Variants in EML4 observed in about 807,000 individuals in gnomAD.
EML4 encodes the protein echinoderm microtubule-associated protein-like 4.
A neutral mutation model predicts 129.0 loss-of-function variants in EML4; 72 were observed. The ratio of observed to expected loss-of-function variants is 0.56; its 90% CI spans 0.46 to 0.68. The LOEUF is 0.68. Among genes scored for constraint, EML4 ranks in the 30% least tolerant of loss-of-function variants. The probability of loss-of-function intolerance (pLI) is 0.00; values close to 1 mark genes in which losing one functional copy is unlikely to be tolerated. For synonymous variants in EML4, 532 were observed against 405.0 expected (o/e 1.31, Z -3.77); for missense variants, 1,363 against 1,190.6 (o/e 1.14, Z -2.13).
chr2:42,235,584 A>G (rs892405637), intron 1 of EML4, among the ~76,000 whole-genome samples: 4 of 152,166 alleles, frequency 2.6e-5, no homozygotes, highest in African/African-American at 9.7e-5. Context: ...ATTCTAACCT[A>G]TAAGGGCTGC....
chr2:42,292,602 T>A (rs543995150), intron 11 of EML4, among the ~76,000 whole-genome samples: 2 of 152,304 alleles, frequency 1.3e-5, no homozygotes, highest in South Asian at 4.1e-4. Context: ...GATGGTTAAA[T>A]AGAGGAAGGG....
intron 17 of EML4, among the ~76,000 whole-genome samples, chr2:42,310,424 C>A (rs1273800695): frequency 6.6e-6 from 1 of 152,030 alleles, no homozygotes; most frequent in Non-Finnish European, 1.5e-5. Flanking sequence ...AGCTCACTTG[C>A]AGCCTCTGCC....
chr2:42,228,622 G>C (rs1558520546), intron 1 of EML4, among the ~76,000 whole-genome samples: 1 of 152,144 alleles, frequency 6.6e-6, no homozygotes, highest in African/African-American at 2.4e-5. Context: ...TTTCTCATGA[G>C]TATTTTGCTT....
intron 1 of EML4, 65 bp from the exon 2 acceptor site, chr2:42,245,440 C>T (rs553935638): frequency 7.0e-7 from 1 of 1,429,662 alleles, no homozygotes; most frequent in Non-Finnish European, 9.5e-7. Flanking sequence ...GATGGTTTTT[C>T]TAATCAGAAA....
chr2:42,279,619 G>C lies in EML4; in HGVS notation c.668-1231G>C, dbSNP rs926916976. On this transcript the variant is annotated intron_variant, in intron 6 of 22. Transcript: ENST00000318522. ...ACTACAGGTGCCCGCCATCATGCCT[G>C]GCTAATTTTTTTTATTTTTTATTTT... Among the ~76,000 whole-genome samples the C allele has an allele frequency of 3.3e-5, 5 of 151,860 alleles. No homozygotes were observed. The East Asian group carries it at 9.7e-4, about 29-fold the overall frequency.
intron 1 of EML4, among the ~76,000 whole-genome samples, chr2:42,192,956 G>C (rs76573196): frequency 6.6e-6 from 1 of 152,286 alleles, no homozygotes; most frequent in African/African-American, 2.4e-5. Context: ...TGCAGACTCT[G>C]AGGTAGTATA....
chr2:42,186,626 G>A (rs1349453746), intron 1 of EML4, among the ~76,000 whole-genome samples: 2 of 152,140 alleles, frequency 1.3e-5, no homozygotes, highest in African/African-American at 4.8e-5. Flanking sequence ...ATTTAAAACT[G>A]GGTATACTCT....
At chr2:42,243,223 A>T (rs375049728) in intron 1 of EML4, among the ~76,000 whole-genome samples, 115 of 152,334 alleles carry the variant, frequency 7.5e-4, no homozygotes, top group African/African-American at 2.5e-3. Flanking sequence ...TTCACAAAAG[A>T]CAAGAGTGGC....
chr2:42,262,199 C>G (rs762670124), intron 4 of EML4, among the ~76,000 whole-genome samples: 1 of 152,008 alleles, frequency 6.6e-6, no homozygotes, highest in Non-Finnish European at 1.5e-5. Context: ...AATATTTTGC[C>G]TCAAATCGCT....
intron 18 of EML4, 79 bp downstream of exon 18, chr2:42,316,129 G>A (rs1165516172): frequency 1.1e-6 from 1 of 942,264 alleles, no homozygotes; most frequent in African/African-American, 1.6e-5. Context: ...CTTCTAATAA[G>A]GCTGACTACT....
Position 42,264,260 on chromosome 2 carries a change from G to A in EML4, c.642-446G>A, listed in dbSNP as rs544055822. On this transcript the variant is annotated intron_variant, in intron 5 of 22. Transcript: ENST00000318522. ...TTCCTGGGTAGTTGGGACTACAGAC[G>A]CGTGCCACCATGCCCAACTAATGTT... Among the ~76,000 whole-genome samples the A allele has an allele frequency of 1.8e-4, 28 of 151,818 alleles. No homozygotes were observed. The South Asian group carries it at 5.6e-3, about 31-fold the overall frequency.
chr2:42,260,781 C>T (rs1418299685), intron 3 of EML4, among the ~76,000 whole-genome samples: 3 of 152,182 alleles, frequency 2.0e-5, no homozygotes, highest in African/African-American at 4.8e-5. Context: ...ATGCTTTACA[C>T]AGATAGTCCT....
At chr2:42,253,716 A>C (rs1363754347) in intron 2 of EML4, among the ~76,000 whole-genome samples, 2 of 152,032 alleles carry the variant, frequency 1.3e-5, no homozygotes, top group African/African-American at 4.8e-5. Flanking sequence ...GTCATATGCC[A>C]GGGGGAAAAA....
intron 1 of EML4, among the ~76,000 whole-genome samples, chr2:42,181,419 C>T (rs973679637): frequency 2.0e-5 from 3 of 152,142 alleles, no homozygotes; most frequent in African/African-American, 4.8e-5. Context: ...CTGCCTCAGC[C>T]TCCTGAGTAG....
At chr2:42,325,733 CAT>C (rs974119804) in intron 20 of EML4, among the ~76,000 whole-genome samples, 179 bp downstream of exon 20, 43 of 149,788 alleles carry the variant, frequency 2.9e-4, no homozygotes, top group Admixed American at 1.3e-3. Flanking sequence ...CCTGACAAAG[CAT>C]ATGTTATGCT....
At chr2:42,172,748 A>G (rs1176394135) in intron 1 of EML4, among the ~76,000 whole-genome samples, 3 of 152,104 alleles carry the variant, frequency 2.0e-5, no homozygotes, top group Non-Finnish European at 4.4e-5. Flanking sequence ...CAAAATGTAT[A>G]TACTGTATGT....
chr2:42,219,369 G>C (rs1485670296), intron 1 of EML4, among the ~76,000 whole-genome samples: 1 of 152,134 alleles, frequency 6.6e-6, no homozygotes, highest in Non-Finnish European at 1.5e-5. Flanking sequence ...TATGGGACTT[G>C]AGTATGCCCG....
chr2:42,187,068 G>A (rs1572846096), intron 1 of EML4, among the ~76,000 whole-genome samples: 1 of 149,428 alleles, frequency 6.7e-6, no homozygotes, highest in East Asian at 2.0e-4. Flanking sequence ...GGGGGGGACA[G>A]GGTCTTGCTC....
chr2:42,300,484 G>A (rs1668220811), intron 13 of EML4, among the ~76,000 whole-genome samples: 1 of 152,120 alleles, frequency 6.6e-6, no homozygotes, highest in African/African-American at 2.4e-5. Context: ...TGTGCTATGG[G>A]TATACAAGAA....
Sources: allele counts gnomAD v4.1 joint callset (sites outside exome capture counted in the v4.1 genomes callset), GRCh38; gene constraint gnomAD v4.1.1; transcripts MANE v1.5; gene names NCBI Gene and HGNC (gene_info 2026-07-23, HGNC 2026-07-21).